PGPEP1L: variants seen among roughly 807,000 people sequenced by gnomAD.
The protein encoded by PGPEP1L is pyroglutamyl-peptidase I like.
In PGPEP1L, 7 loss-of-function variants were observed where a neutral mutation model predicts 6.0. That is an observed-to-expected ratio of 1.17 (90% CI 0.66 to 2.19). The LOEUF is 2.19. Among genes scored for constraint, PGPEP1L ranks in the 30% most tolerant of loss-of-function variants. The pLI is 0.00. For missense variants in PGPEP1L, 209 were observed against 192.5 expected (o/e 1.09, Z -0.51); for synonymous variants, 103 against 83.9 (o/e 1.23, Z -1.24).
At chr15:99,007,005 A>G (rs2018079471) in intron 1 of PGPEP1L, among the ~76,000 whole-genome samples, 1 of 152,112 alleles carries the variant, frequency 6.6e-6, no homozygotes, top group South Asian at 2.1e-4. Flanking sequence ...CATCTGCTGA[A>G]TTGTCCTCCT....
chr15:98,970,053 T>G (rs1403080731), intron 3 of PGPEP1L, among the ~76,000 whole-genome samples: 1 of 152,062 alleles, frequency 6.6e-6, no homozygotes, highest in African/African-American at 2.4e-5. Flanking sequence ...ATTTATGTAT[T>G]TATTTATTTT....
At chr15:98,983,675 G>A (rs1192749718) in intron 2 of PGPEP1L, among the ~76,000 whole-genome samples, 2 of 152,182 alleles carry the variant, frequency 1.3e-5, no homozygotes, top group African/African-American at 4.8e-5. Flanking sequence ...TTGAGACTAA[G>A]AAGGGAAGAG....
chr15:98,970,667 G>A (rs951782214), intron 3 of PGPEP1L, among the ~76,000 whole-genome samples: 2 of 152,120 alleles, frequency 1.3e-5, no homozygotes, highest in African/African-American at 4.8e-5. Flanking sequence ...TCGCTCCCTG[G>A]GCACAGAGGT....
intron 2 of PGPEP1L, among the ~76,000 whole-genome samples, chr15:98,973,027 C>T (rs1171045167): frequency 6.6e-6 from 1 of 151,408 alleles, no homozygotes; most frequent in Non-Finnish European, 1.5e-5. Flanking sequence ...ATATTCCATG[C>T]AAACAGAAAC....
At chr15:98,971,522 A>G (rs2017497596) in intron 2 of PGPEP1L, among the ~76,000 whole-genome samples, 1 of 152,086 alleles carries the variant, frequency 6.6e-6, no homozygotes, top group South Asian at 2.1e-4. Context: ...GAAAAATCCA[A>G]AGTGTGAAGG....
rs760621604 is a variant in PGPEP1L, at chr15:98,983,312, CATT to C, written c.-141-12157_-141-12155del. Among the ~76,000 whole-genome samples, 163 of 151,960 alleles carry C rather than the reference CATT, an allele frequency of 1.1e-3. 3 individuals carry two copies. The highest frequency in any genetic ancestry group is 6.8e-3 in the Middle Eastern group (2 of 292). On this transcript the variant is annotated intron_variant, in intron 2 of 4. Transcript: ENST00000535714. ...CTGTTCTGATTCACGGCTCTTTATT[CATT>C]ATTATTATTATTATTTAAAGCAACA...
intron 3 of PGPEP1L, among the ~76,000 whole-genome samples, chr15:98,969,945 G>A (rs2017470093): frequency 6.6e-6 from 1 of 152,156 alleles, no homozygotes; most frequent in Non-Finnish European, 1.5e-5. Flanking sequence ...TGTGGGGGGA[G>A]GGTTGGAGGG....
intron 2 of PGPEP1L, among the ~76,000 whole-genome samples, chr15:98,998,571 A>G (rs1298337730): frequency 6.6e-6 from 1 of 152,242 alleles, no homozygotes; most frequent in Non-Finnish European, 1.5e-5. Flanking sequence ...TAGGTTCGTC[A>G]ACCAATGGTG....
intron 2 of PGPEP1L, among the ~76,000 whole-genome samples, chr15:98,978,569 A>C (rs1248898065): frequency 6.6e-6 from 1 of 152,048 alleles, no homozygotes; most frequent in Non-Finnish European, 1.5e-5. Flanking sequence ...TTCCCCAAAA[A>C]AAACTGTGTA....
At position 98,971,201 on chromosome 15, in the gene PGPEP1L, GGGGGGGGGGT is replaced by G. The variant is rs746101848; in HGVS notation, c.-141-53_-141-44del. ...TGGACTTGCCTCAGTTGATGGGGGG[GGGGGGGGGGT>G]GGGCACCAAGAGTCCCTGAAAACCC... On this transcript the variant is annotated intron_variant, in intron 2 of 4. Transcript: ENST00000535714. The G allele has an allele frequency of 4.6e-3, 1,363 of 299,320 alleles. 23 individuals are homozygous for G. The highest frequency in any genetic ancestry group is 0.014 in the East Asian group (60 of 4,418). 18.5% of individuals were successfully genotyped at this position (299,320 alleles called of 1,614,324 possible).
intron 2 of PGPEP1L, among the ~76,000 whole-genome samples, chr15:98,989,282 G>A (rs1337445017): frequency 6.6e-6 from 1 of 152,148 alleles, no homozygotes; most frequent in Non-Finnish European, 1.5e-5. Context: ...GTTTAGAGAA[G>A]AACATAATTG....
chr15:98,984,838 CAAG>C (rs1287534324), intron 2 of PGPEP1L, among the ~76,000 whole-genome samples: 1 of 152,032 alleles, frequency 6.6e-6, no homozygotes, highest in Admixed American at 6.5e-5. Context: ...AAAATACCAC[CAAG>C]AAGGGGAAAA....
intron 3 of PGPEP1L, 78 bp downstream of exon 3, chr15:98,970,958 G>C: frequency 6.3e-7 from 1 of 1,582,692 alleles, no homozygotes; most frequent in Non-Finnish European, 8.6e-7. Flanking sequence ...ATCAACCCTA[G>C]AACCAGGACC....
rs149874389 is a variant in PGPEP1L, at chr15:98,971,459, G to A, written c.-141-301C>T. The stretch of plus-strand genomic sequence containing the variant: ...CAGTGAGCCGAAATAGTACCACTGC[G>A]CTCCAGCCTGGGTGACAGAGCTAGA... On this transcript the variant is annotated intron_variant, in intron 2 of 4. Coordinates refer to ENST00000535714, the MANE Select transcript of PGPEP1L (RefSeq NM_001167902.2). Among the ~76,000 whole-genome samples, 1,299 of 151,958 alleles carry A rather than the reference G, an allele frequency of 8.5e-3. 15 individuals carry two copies. Among genetic ancestry groups the A allele is most frequent in the Non-Finnish European group, 9.5e-3 (644 of 67,956 alleles).
chr15:98,986,912 T>A (rs1292194144), intron 2 of PGPEP1L, among the ~76,000 whole-genome samples: 1 of 152,088 alleles, frequency 6.6e-6, no homozygotes, highest in East Asian at 1.9e-4. Flanking sequence ...CTCACACCTG[T>A]AATCCCAGCA....
At chr15:98,987,033 G>A (rs577654328) in intron 2 of PGPEP1L, among the ~76,000 whole-genome samples, 2 of 151,794 alleles carry the variant, frequency 1.3e-5, no homozygotes, top group African/African-American at 4.8e-5. Flanking sequence ...TGGGTGTGGT[G>A]GCATGCACCT....
At chr15:98,992,540 T>G (rs2017833475) in intron 2 of PGPEP1L, among the ~76,000 whole-genome samples, 1 of 152,210 alleles carries the variant, frequency 6.6e-6, no homozygotes, top group Non-Finnish European at 1.5e-5. Context: ...ATTTATACAT[T>G]CAATGCTATC....
intron 2 of PGPEP1L, among the ~76,000 whole-genome samples, chr15:98,981,415 G>A (rs140666907): frequency 2.0e-5 from 3 of 151,208 alleles, no homozygotes; most frequent in Non-Finnish European, 2.9e-5. Context: ...GCGTGAACCC[G>A]GGAGGCAGAG....
intron 2 of PGPEP1L, among the ~76,000 whole-genome samples, chr15:99,004,192 C>T (rs1262874112): frequency 2.5e-4 from 38 of 149,448 alleles, no homozygotes; most frequent in Admixed American, 5.3e-4. Context: ...CACTTCAGCC[C>T]GGGAGTTAGA....
Sources: gnomAD v4.1 joint callset for allele counts (sites outside exome capture counted in the v4.1 genomes callset) on GRCh38, gnomAD v4.1.1 for gene constraint, MANE v1.5 for transcripts, NCBI Gene and HGNC (gene_info 2026-07-23, HGNC 2026-07-21) for gene names.